The following HS6ST2 variants were observed in gnomAD, a reference collection of about 807,000 sequenced individuals.
The protein encoded by HS6ST2 is heparan sulfate 6-O-sulfotransferase 2, also known as heparan-sulfate 6-O-sulfotransferase 2.
In HS6ST2, 17 loss-of-function variants were observed where a neutral mutation model predicts 33.0. That is an observed-to-expected ratio of 0.52 (90% CI 0.35 to 0.77). The LOEUF is 0.77. Among genes scored for constraint, HS6ST2 ranks in the 30% least tolerant of loss-of-function variants. The probability of loss-of-function intolerance (pLI) is 0.01; values close to 1 mark genes in which losing one functional copy is unlikely to be tolerated. For synonymous variants in HS6ST2, 248 were observed against 237.1 expected, an observed-to-expected ratio of 1.05 and a Z score of -0.42; for missense variants, 519 against 551.7, an observed-to-expected ratio of 0.94 and a Z score of 0.59.
intron 2 of HS6ST2, among the ~76,000 whole-genome samples, chrX:132,793,624 AT>A (rs1305557917): frequency 8.9e-6 from 1 of 112,077 alleles, no homozygotes; most frequent in Admixed American, 9.5e-5. Flanking sequence ...GCCTGGACTT[AT>A]TACATTTAAT....
chrX:132,885,417 A>G (rs1012000405), intron 2 of HS6ST2, among the ~76,000 whole-genome samples: 32 of 111,423 alleles, frequency 2.9e-4, no homozygotes, highest in Non-Finnish European at 1.7e-4. Flanking sequence ...AAAAAAATGA[A>G]ATCGGAAGTC....
Position 132,643,776 on chromosome X carries a change from C to T in HS6ST2, c.1068-14683G>A, listed in dbSNP as rs747741186. Among the ~76,000 whole-genome samples the T allele has an allele frequency of 2.7e-5, 3 of 111,800 alleles. No individual in the cohort carries two copies. In the East Asian group the frequency reaches 8.5e-4, roughly 32 times the overall value. ...TTATTCTTTACTGCAAGACTTTAAA[C>T]CCATAAAAAAGGACTCAAAGTCAAT... On this transcript the variant is annotated intron_variant, in intron 4 of 4. Coordinates refer to ENST00000370833, the MANE Select transcript of HS6ST2 (RefSeq NM_001394073.1).
chrX:132,654,192 A>T (rs2063714628), intron 4 of HS6ST2, among the ~76,000 whole-genome samples: 1 of 111,439 alleles, frequency 9.0e-6, no homozygotes, highest in Non-Finnish European at 1.9e-5. Context: ...AGGGCATGAT[A>T]GATATATTTA....
intron 2 of HS6ST2, among the ~76,000 whole-genome samples, chrX:132,716,154 A>T (rs1325804346): frequency 9.0e-6 from 1 of 111,135 alleles, no homozygotes; most frequent in Admixed American, 9.6e-5. Flanking sequence ...CCTCTCTCAC[A>T]CCCCTGCCCA....
At chrX:132,794,555 G>GTAT (rs1556445840) in intron 2 of HS6ST2, among the ~76,000 whole-genome samples, 9 of 92,277 alleles carry the variant, frequency 9.8e-5, no homozygotes, top group Non-Finnish European at 1.9e-4. Flanking sequence ...CACCACTCCT[G>GTAT]GATGATGATG....
At chrX:132,697,934 T>C in intron 3 of HS6ST2, among the ~76,000 whole-genome samples, 1 of 112,006 alleles carries the variant, frequency 8.9e-6, no homozygotes, top group African/African-American at 3.2e-5. Flanking sequence ...ATGGCTATCA[T>C]TGGCTTCTTC....
chrX:132,693,696 A>G (rs1484069241), intron 3 of HS6ST2, among the ~76,000 whole-genome samples: 2 of 112,004 alleles, frequency 1.8e-5, no homozygotes, highest in Non-Finnish European at 3.8e-5. Flanking sequence ...CTGTCCCTAA[A>G]GTCATTAAGA....
rs1015883834 is a variant in HS6ST2, at chrX:132,850,160, T to C, written c.947+106648A>G. Among the ~76,000 whole-genome samples the C allele has an allele frequency of 3.6e-5, 4 of 112,474 alleles. 1 individual carries two copies. The highest frequency in any genetic ancestry group is 6.5e-5 in the African/African-American group (2 of 30,948). ...AAAAATACATTGTATGGTTTTATAATGTTCCCTAAAAAGTTTATTTTTAGA... is the reference window on the plus strand; with the variant it reads ...AAAAATACATTGTATGGTTTTATAACGTTCCCTAAAAAGTTTATTTTTAGA... On this transcript the variant is annotated intron_variant, in intron 2 of 4. Coordinates refer to ENST00000370833, the MANE Select transcript of HS6ST2 (RefSeq NM_001394073.1).
intron 2 of HS6ST2, among the ~76,000 whole-genome samples, chrX:132,915,937 A>T (rs1360368083): frequency 9.3e-6 from 1 of 107,897 alleles, no homozygotes; most frequent in African/African-American, 3.4e-5. Flanking sequence ...GTTTCACCAC[A>T]TTGGTCAGGC....
intron 2 of HS6ST2, among the ~76,000 whole-genome samples, chrX:132,903,036 T>C (rs974566409): frequency 6.3e-5 from 7 of 111,776 alleles, no homozygotes; most frequent in Non-Finnish European, 1.1e-4. Context: ...TGATCTTGTA[T>C]ATAGAAAATC....
intron 2 of HS6ST2, among the ~76,000 whole-genome samples, chrX:132,775,851 G>A (rs1275503873): frequency 9.0e-6 from 1 of 111,317 alleles, no homozygotes; most frequent in Non-Finnish European, 1.9e-5. Context: ...CAGCTAACTC[G>A]TGCTTCAATG....
At chrX:132,937,951 C>T (rs1268673787) in intron 2 of HS6ST2, among the ~76,000 whole-genome samples, 4 of 108,753 alleles carry the variant, frequency 3.7e-5, no homozygotes, top group Non-Finnish European at 5.7e-5. Context: ...CTCCTGAGCG[C>T]AGGAGTTTGA....
intron 2 of HS6ST2, among the ~76,000 whole-genome samples, chrX:132,905,858 T>C (rs1178968328): frequency 9.0e-6 from 1 of 111,608 alleles, no homozygotes; most frequent in East Asian, 2.8e-4. Flanking sequence ...ACACTGTGTC[T>C]ATGAAAAAAT....
chrX:132,762,528 A>C (rs1271667186), intron 2 of HS6ST2, among the ~76,000 whole-genome samples: 1 of 112,333 alleles, frequency 8.9e-6, no homozygotes, highest in Non-Finnish European at 1.9e-5. Context: ...CAATAACCCT[A>C]CATATCTCAC....
chrX:132,869,943 AG>A (rs1345066562), intron 2 of HS6ST2, among the ~76,000 whole-genome samples: 3 of 111,551 alleles, frequency 2.7e-5, no homozygotes, highest in African/African-American at 6.5e-5. Context: ...AAAGAAATAA[AG>A]GGTATTCAAA....
At chrX:132,879,007 C>T (rs1467831456) in intron 2 of HS6ST2, among the ~76,000 whole-genome samples, 1 of 110,992 alleles carries the variant, frequency 9.0e-6, no homozygotes, top group Non-Finnish European at 1.9e-5. Flanking sequence ...CCAGCAGTGC[C>T]CCAGTTGGTC....
At chrX:132,705,508 CTAT>C (rs749189900) in intron 3 of HS6ST2, among the ~76,000 whole-genome samples, 4 of 111,442 alleles carry the variant, frequency 3.6e-5, no homozygotes, top group Non-Finnish European at 7.5e-5. Flanking sequence ...ATTAAATATA[CTAT>C]TGAGTGAGGC....
intron 2 of HS6ST2, among the ~76,000 whole-genome samples, chrX:132,895,622 C>G (rs2066366670): frequency 9.0e-6 from 1 of 111,539 alleles, no homozygotes; most frequent in South Asian, 3.8e-4. Context: ...TGCATTTTGT[C>G]TCAGTCTTTA....
intron 3 of HS6ST2, among the ~76,000 whole-genome samples, chrX:132,700,326 C>T (rs2148239582): frequency 9.0e-6 from 1 of 111,078 alleles, no homozygotes; most frequent in Admixed American, 9.6e-5. Context: ...CAATGGAGCT[C>T]ATTGAATAGT....
Sources: gnomAD v4.1 joint callset for allele counts (sites outside exome capture counted in the v4.1 genomes callset) on GRCh38, gnomAD v4.1.1 for gene constraint, MANE v1.5 for transcripts, NCBI Gene and HGNC (gene_info 2026-07-23, HGNC 2026-07-21) for gene names.